The following F10 variants were observed in gnomAD, a reference collection of about 807,000 sequenced individuals.
The protein encoded by F10 is coagulation factor X.
Under a neutral mutation model 37.1 loss-of-function variants are expected in F10, and 29 were observed. The observed-to-expected ratio is 0.78, with a 90% CI of 0.58 to 1.07. The LOEUF is 1.07. Ranked by LOEUF, F10 falls within the 50% of genes least tolerant of loss-of-function variation. The probability of loss-of-function intolerance (pLI) is 0.00; values close to 1 mark genes in which losing one functional copy is unlikely to be tolerated. For synonymous variants in F10, 262 were observed against 268.6 expected, an observed-to-expected ratio of 0.98 and a Z score of 0.24; for missense variants, 539 against 667.9, an observed-to-expected ratio of 0.81 and a Z score of 2.13.
intron 2 of F10, among the ~76,000 whole-genome samples, chr13:113,135,361 T>A (rs960072002): frequency 2.0e-5 from 3 of 152,162 alleles, no homozygotes; most frequent in African/African-American, 7.2e-5. Context: ...ATAAACAGAA[T>A]AAGGTTATTG....
Position 113,146,084 on chromosome 13 carries a change from C to T in F10, c.748-1295C>T, listed in dbSNP as rs572625283. Among the ~76,000 whole-genome samples the T allele has an allele frequency of 6.6e-6, 1 of 152,256 alleles. No individual in the cohort carries two copies. Among genetic ancestry groups the T allele is most frequent in the African/African-American group, 2.4e-5 (1 of 41,546 alleles). ...TCTTCCCCCACCCCAGACCGTGTGG[C>T]GGGTGAGCCTCTGTCTAACTATAAA... is the stretch of plus-strand genomic sequence containing the variant. On this transcript the variant is annotated intron_variant, in intron 6 of 7. Transcript: ENST00000375559. The surrounding 1 kb of genome is among the most constrained non-coding windows in gnomAD (Gnocchi z 4.5).
chr13:113,147,333 C>T (rs1433668424), intron 6 of F10, 46 bp from the exon 7 acceptor site: 1 of 1,345,290 alleles, frequency 7.4e-7, no homozygotes, highest in South Asian at 1.2e-5. Context: ...TCAGGCAACA[C>T]CTGTCCACCT....
At chr13:113,135,326 C>A (rs1448702829) in intron 2 of F10, among the ~76,000 whole-genome samples, 6 of 151,708 alleles carry the variant, frequency 4.0e-5, no homozygotes, top group Non-Finnish European at 8.8e-5. Context: ...GCTTCTATAA[C>A]AAAATAGATC....
Position 113,143,747 on chromosome 13 carries a change from G to A in F10, c.503-104G>A, listed in dbSNP as rs916862090. On this transcript the variant is annotated intron_variant, in intron 5 of 7. Transcript: ENST00000375559. This position sits in a 1 kb window ranked among gnomAD's most constrained non-coding sequence, Gnocchi z 6.8. ...CCGCTGCCCCTCCGGGTGCCCCTGC[G>A]CTCTGCCTCCCGGCTCTCTGACTCT... 2.1e-5 allele frequency: 33 copies of A among 1,568,792 alleles called. No homozygotes were observed. Among genetic ancestry groups the A allele is most frequent in the Admixed American group, 1.2e-4 (7 of 58,898 alleles).
At position 113,139,282 on chromosome 13, in the gene F10, GTTAGCACAGCAAAACTGT is replaced by G; in HGVS notation, c.257-72_257-55del. The stretch of plus-strand genomic sequence containing the variant: ...CAGTTATCTGAACGGCAGGGCCAAG[GTTAGCACAGCAAAACTGT>G]TTCCATGATGCCGGAAACAGCTTGC... On this transcript the variant is annotated intron_variant, in intron 3 of 7. Transcript: ENST00000375559. This position sits in a 1 kb window ranked among gnomAD's most constrained non-coding sequence, Gnocchi z 5.2. 1 of 1,239,876 alleles carries G rather than the reference GTTAGCACAGCAAAACTGT, an allele frequency of 8.1e-7. No individual in the cohort carries two copies. Among genetic ancestry groups the G allele is most frequent in the Non-Finnish European group, 1.2e-6 (1 of 849,972 alleles). 76.8% of individuals were successfully genotyped at this position (1,239,876 alleles called of 1,614,324 possible). A position where few individuals can be genotyped will look rare whatever the true frequency, so the allele number is the denominator to read the frequency against.
chr13:113,147,431 G>A lies in F10; in HGVS notation c.800G>A (p.Ser267Asn). The A allele has an allele frequency of 6.2e-7, 1 of 1,613,940 alleles. No homozygotes were observed. Reference sequence around the variant, plus strand: ...GGTTTCTGTGGTGGAACCATTCTGAGCGAGTTCTACATCCTAACGGCAGCC... The same window carrying A: ...GGTTTCTGTGGTGGAACCATTCTGAACGAGTTCTACATCCTAACGGCAGCC... Reference protein sequence around the residue: ...NEGFCGGTILSEFYILTAAHC... With the variant: ...NEGFCGGTILNEFYILTAAHC... Residue 267 changes from serine to asparagine, a missense_variant, in exon 7 of 8, where the codon AGC (serine) becomes AAC (asparagine). Around this residue, in one of 2 missense-constraint regions of F10, gnomAD observed 409 missense variants for 547.9 expected, o/e 0.75. Transcript: ENST00000375559.
chr13:113,142,312 C>T (rs373713505), intron 5 of F10, among the ~76,000 whole-genome samples: 450 of 151,558 alleles, frequency 3.0e-3, no homozygotes, highest in Middle Eastern at 6.8e-3. Flanking sequence ...GAGGCCAAGG[C>T]GGGCGGATCA....
At chr13:113,127,705 A>G (rs1234239137) in intron 1 of F10, among the ~76,000 whole-genome samples, 1 of 152,250 alleles carries the variant, frequency 6.6e-6, no homozygotes, top group Non-Finnish European at 1.5e-5. Flanking sequence ...ACTGTATTTT[A>G]GGAAATACTA....
rs539127732 is a variant in F10, at chr13:113,138,780, CAG to C, written c.256+302_256+303del. On this transcript the variant is annotated intron_variant, in intron 3 of 7. Coordinates refer to ENST00000375559, the MANE Select transcript of F10 (RefSeq NM_000504.4). ...AAGTGTATTCGGTAAAAGCAAAAAA[CAG>C]AGTCTGAAAGATTAGATTCCCGACT... Among the ~76,000 whole-genome samples, 313 of 152,328 alleles carry C rather than the reference CAG, an allele frequency of 2.1e-3. 1 individual carries two copies. Among genetic ancestry groups the C allele is most frequent in the African/African-American group, 7.4e-3 (306 of 41,580 alleles).
Position 113,142,337 on chromosome 13 carries a change from C to A in F10, c.502+1287C>A, listed in dbSNP as rs549797751. On this transcript the variant is annotated intron_variant, in intron 5 of 7. Coordinates refer to ENST00000375559, the MANE Select transcript of F10 (RefSeq NM_000504.4). ...CGGGCGGATCATGAGGTCAGGAGATCGAGACCATCCTGGCCAACACAGTGA... is the reference window on the plus strand; with the variant it reads ...CGGGCGGATCATGAGGTCAGGAGATAGAGACCATCCTGGCCAACACAGTGA... Among the ~76,000 whole-genome samples, 356 of 151,018 alleles carry A rather than the reference C, an allele frequency of 2.4e-3. 3 individuals carry two copies. The highest frequency in any genetic ancestry group is 8.2e-3 in the African/African-American group (337 of 41,056).
rs2036561502 is a variant in F10 at position 113,144,378 on chromosome 13, G to T, written c.747+283G>T. The stretch of plus-strand genomic sequence containing the variant: ...CTGGGCATTTCCATGGCTGCCCGTG[G>T]CATGCCCAGGACGATGCTGTCCTGT... On this transcript the variant is annotated intron_variant, in intron 6 of 7. Coordinates refer to ENST00000375559, the MANE Select transcript of F10 (RefSeq NM_000504.4). This position sits in a 1 kb window ranked among gnomAD's most constrained non-coding sequence, Gnocchi z 6.4. Among the ~76,000 whole-genome samples, 1 of 152,260 alleles carries T rather than the reference G, an allele frequency of 6.6e-6. No individual in the cohort carries two copies. Among genetic ancestry groups the T allele is most frequent in the African/African-American group, 2.4e-5 (1 of 41,470 alleles).
At chr13:113,147,808 T>G (rs1026795635) in intron 7 of F10, among the ~76,000 whole-genome samples, 12 of 151,996 alleles carry the variant, frequency 7.9e-5, no homozygotes, top group Non-Finnish European at 1.3e-4. Context: ...TGTGTCTCAG[T>G]GTCTTTTATT....
In F10 at chr13:113,141,063, T is replaced by C; in HGVS notation, c.502+13T>C. On this transcript the variant is annotated intron_variant, in intron 5 of 7. Transcript: ENST00000375559. The surrounding 1 kb of genome is among the most constrained non-coding windows in gnomAD (Gnocchi z 5.4). ...TGCATTCCCACAGGTAGGAGGCACG[T>C]TGGGCCACAGCCACCCGCTGCCGCT... 6.2e-7 allele frequency: 1 copy of C among 1,612,968 alleles called. No homozygotes were observed. The highest frequency in any genetic ancestry group is 8.5e-7 in the Non-Finnish European group (1 of 1,179,902).
At position 113,144,311 on chromosome 13, in the gene F10, G is replaced by T. The variant is rs1261341263; in HGVS notation, c.747+216G>T. On this transcript the variant is annotated intron_variant, in intron 6 of 7. Coordinates refer to ENST00000375559, the MANE Select transcript of F10 (RefSeq NM_000504.4). The surrounding 1 kb of genome is among the most constrained non-coding windows in gnomAD (Gnocchi z 6.4). The stretch of plus-strand genomic sequence containing the variant: ...CACAGGGAAGTGGCCGGGGCTGAGG[G>T]AGAGGCTGGGCCCAGGCAACGCCCC... 2 of 679,992 alleles carry T rather than the reference G, an allele frequency of 2.9e-6. No homozygotes were observed. Among genetic ancestry groups the T allele is most frequent in the East Asian group, 5.5e-5 (2 of 36,376 alleles). The allele number at this position is 679,992 out of a possible 1,614,324, so 42.1% of individuals were successfully genotyped here. A position where few individuals can be genotyped will look rare whatever the true frequency, so the allele number is the denominator to read the frequency against.
intron 2 of F10, chr13:113,129,920 A>C: frequency 2.6e-6 from 1 of 386,858 alleles, no homozygotes; most frequent in East Asian, 6.1e-5. Context: ...TAACCTAAAA[A>C]CCAATAGTCA....
Position 113,143,711 on chromosome 13 carries a change from GCCCTGC to G in F10, c.503-139_503-134del. On this transcript the variant is annotated intron_variant, in intron 5 of 7. Transcript: ENST00000375559. The surrounding 1 kb of genome is among the most constrained non-coding windows in gnomAD (Gnocchi z 6.8). ...ACCCCTGCCGACGACGTGGGGCCTCGCCCTGCAAGCCCGCTGCCCCTCCGGGTGCCC... is the reference window on the plus strand; with the variant it reads ...ACCCCTGCCGACGACGTGGGGCCTCGAAGCCCGCTGCCCCTCCGGGTGCCC... 8.1e-7 allele frequency: 1 copy of G among 1,234,042 alleles called. No homozygotes were observed. The highest frequency in any genetic ancestry group is 1.1e-6 in the Non-Finnish European group (1 of 914,884). 76.4% of individuals were successfully genotyped at this position (1,234,042 alleles called of 1,614,324 possible). A position where few individuals can be genotyped will look rare whatever the true frequency, so the allele number is the denominator to read the frequency against.
intron 5 of F10, among the ~76,000 whole-genome samples, chr13:113,142,316 C>T (rs376041023): frequency 1.4e-3 from 206 of 151,090 alleles, no homozygotes; most frequent in Non-Finnish European, 2.5e-3. Flanking sequence ...CCAAGGCGGG[C>T]GGATCATGAG....
intron 1 of F10, 147 bp from the exon 2 acceptor site, chr13:113,129,305 T>C: frequency 9.8e-7 from 1 of 1,017,928 alleles, no homozygotes; most frequent in Non-Finnish European, 1.5e-6. Flanking sequence ...AGTTGGGGGC[T>C]TAGAATTTTA....
chr13:113,147,737 G>A (rs1363469662), intron 7 of F10, among the ~76,000 whole-genome samples: 1 of 152,196 alleles, frequency 6.6e-6, no homozygotes, highest in African/African-American at 2.4e-5. Context: ...GGGTGTCCAG[G>A]TCTCGGGTCT....
Sources: allele counts gnomAD v4.1 joint callset (sites outside exome capture counted in the v4.1 genomes callset), GRCh38; gene constraint gnomAD v4.1.1; regional missense constraint gnomAD v4.1.1; non-coding constraint Gnocchi (gnomAD v3.1); transcripts MANE v1.5; gene names NCBI Gene and HGNC (gene_info 2026-07-23, HGNC 2026-07-21).